The following SCARA5 variants were observed in gnomAD, a reference collection of about 807,000 sequenced individuals.
SCARA5 encodes the protein scavenger receptor class A member 5.
A neutral mutation model predicts 46.3 loss-of-function variants in SCARA5; 45 were observed. The ratio of observed to expected loss-of-function variants is 0.97; its 90% CI spans 0.76 to 1.24. SCARA5 has a LOEUF of 1.24. Among genes scored for constraint, SCARA5 ranks in the 50% most tolerant of loss-of-function variants. The probability of loss-of-function intolerance (pLI) is 0.00; values close to 1 mark genes in which losing one functional copy is unlikely to be tolerated. For synonymous variants in SCARA5, 333 were observed against 306.5 expected (o/e 1.09, Z -0.90); for missense variants, 680 against 689.0 (o/e 0.99, Z 0.15).
chr8:27,911,777 T>A lies in SCARA5; in HGVS notation c.917-2034A>T, dbSNP rs1452855219. On this transcript the variant is annotated intron_variant, in intron 4 of 8. Coordinates refer to ENST00000354914, the MANE Select transcript of SCARA5 (RefSeq NM_173833.6). ...GTCCCTACCCCCTTAAATTCACGTC[T>A]ACCAGGAACCTCAGAATATGACTTT... 2.0e-5 allele frequency among the ~76,000 whole-genome samples: 3 copies of A among 152,226 alleles called. No homozygotes were observed. In the East Asian group the frequency reaches 5.8e-4, roughly 29 times the overall value.
chr8:27,919,773 G>A (rs959251243), intron 4 of SCARA5, among the ~76,000 whole-genome samples: 1 of 151,764 alleles, frequency 6.6e-6, no homozygotes, highest in Middle Eastern at 3.4e-3. Context: ...GCAAGCTATG[G>A]AAGCTTCCCA....
At chr8:27,872,803 A>G (rs1051021590) in intron 8 of SCARA5, among the ~76,000 whole-genome samples, 1 of 152,238 alleles carries the variant, frequency 6.6e-6, no homozygotes, top group Non-Finnish European at 1.5e-5. Flanking sequence ...CAAATAAAGA[A>G]CAGTTCCAAG....
At chr8:27,984,354 A>G (rs1585528596) in intron 2 of SCARA5, among the ~76,000 whole-genome samples, 1 of 152,346 alleles carries the variant, frequency 6.6e-6, no homozygotes, top group East Asian at 1.9e-4. Context: ...GGTTCCCCAT[A>G]TTCCAGCCCC....
intron 3 of SCARA5, among the ~76,000 whole-genome samples, chr8:27,927,708 A>T (rs1013086404): frequency 6.6e-6 from 1 of 152,196 alleles, no homozygotes; most frequent in African/African-American, 2.4e-5. Context: ...TCCTAATAAT[A>T]AATTTCCAGA....
At chr8:27,927,975 C>T (rs1466120519) in intron 3 of SCARA5, among the ~76,000 whole-genome samples, 1 of 152,130 alleles carries the variant, frequency 6.6e-6, no homozygotes, top group East Asian at 1.9e-4. Flanking sequence ...TGCATCAGCT[C>T]ATAGGAATAA....
intron 3 of SCARA5, among the ~76,000 whole-genome samples, chr8:27,937,389 C>T (rs989220558): frequency 3.3e-5 from 5 of 152,180 alleles, no homozygotes; most frequent in African/African-American, 7.2e-5. Context: ...GGCAGGTAAG[C>T]GCTCTCCCCA....
At position 27,990,702 on chromosome 8, in the gene SCARA5, C is replaced by CACCTCAG. The variant is rs1331873102; in HGVS notation, c.-16+1548_-16+1554dup. On this transcript the variant is annotated intron_variant, in intron 1 of 8. Coordinates refer to ENST00000354914, the MANE Select transcript of SCARA5 (RefSeq NM_173833.6). ...CCAGATCAGGCAGAGAAGAGAATCC[C>CACCTCAG]ACCTCAGACTGCCAGCCAGTGTACT... is the stretch of plus-strand genomic sequence containing the variant. Among the ~76,000 whole-genome samples the CACCTCAG allele has an allele frequency of 1.4e-4, 21 of 152,272 alleles. No individual in the cohort carries two copies. The East Asian group carries it at 3.9e-3, about 28-fold the overall frequency.
Position 27,962,155 on chromosome 8 carries a change from G to A in SCARA5, c.241+4259C>T, listed in dbSNP as rs79827215. ...ACTAACACAAAAATGCTTTCCTGAA[G>A]TCTCTATACTTGCTGCAGGTGGACC... On this transcript the variant is annotated intron_variant, in intron 3 of 8. Transcript: ENST00000354914. Among the ~76,000 whole-genome samples the A allele has an allele frequency of 0.021, 3,243 of 152,282 alleles. 288 individuals carry two copies. The East Asian group carries it at 0.28, about 13-fold the overall frequency.
intron 3 of SCARA5, among the ~76,000 whole-genome samples, chr8:27,949,529 A>G (rs948783980): frequency 6.6e-6 from 1 of 152,126 alleles, no homozygotes; most frequent in African/African-American, 2.4e-5. Context: ...ACCATGTGGG[A>G]GCATGGGGGT....
At chr8:27,929,361 C>G (rs910324830) in intron 3 of SCARA5, among the ~76,000 whole-genome samples, 1 of 152,114 alleles carries the variant, frequency 6.6e-6, no homozygotes, top group Non-Finnish European at 1.5e-5. Flanking sequence ...GCTGCCTTCC[C>G]CCAATACATC....
chr8:27,983,623 T>C (rs1808656893), intron 2 of SCARA5, among the ~76,000 whole-genome samples: 1 of 152,172 alleles, frequency 6.6e-6, no homozygotes, highest in Admixed American at 6.5e-5. Context: ...CTGGGACATC[T>C]GCCACCTACA....
intron 3 of SCARA5, among the ~76,000 whole-genome samples, chr8:27,955,252 G>A (rs1640018687): frequency 6.6e-6 from 1 of 152,194 alleles, no homozygotes. Context: ...GGGACCCTGG[G>A]AGATGTCCTA....
chr8:27,932,714 C>T (rs771681177), intron 3 of SCARA5, among the ~76,000 whole-genome samples: 16 of 152,208 alleles, frequency 1.1e-4, no homozygotes, highest in African/African-American at 1.4e-4. Context: ...CTGCAACCTC[C>T]GCCTCCTGGG....
intron 2 of SCARA5, among the ~76,000 whole-genome samples, chr8:27,987,236 G>C (rs1431014549): frequency 6.6e-6 from 1 of 152,242 alleles, no homozygotes; most frequent in Non-Finnish European, 1.5e-5. Context: ...GGAGTCAGGA[G>C]GCTCCATGCT....
At chr8:27,937,912 A>C (rs143689962) in intron 3 of SCARA5, among the ~76,000 whole-genome samples, 20 of 152,274 alleles carry the variant, frequency 1.3e-4, no homozygotes, top group Non-Finnish European at 1.3e-4. Context: ...TCACCTCTTT[A>C]AAGTTCCTAT....
chr8:27,951,179 T>G (rs1403686469), intron 3 of SCARA5, among the ~76,000 whole-genome samples: 1 of 152,228 alleles, frequency 6.6e-6, no homozygotes, highest in East Asian at 1.9e-4. Flanking sequence ...TTTAGGCTAG[T>G]GAATGATACA....
intron 3 of SCARA5, among the ~76,000 whole-genome samples, chr8:27,965,591 T>C (rs1244510024): frequency 1.3e-5 from 2 of 152,226 alleles, no homozygotes; most frequent in Non-Finnish European, 1.5e-5. Flanking sequence ...TATTTAGCTG[T>C]GCCCCCAATC....
At chr8:27,876,444 G>C (rs1400589908) in intron 8 of SCARA5, among the ~76,000 whole-genome samples, 1 of 152,136 alleles carries the variant, frequency 6.6e-6, no homozygotes, top group African/African-American at 2.4e-5. Context: ...GCAGGACTCG[G>C]GGACCAACCT....
chr8:27,916,528 C>T (rs144316805), intron 4 of SCARA5, among the ~76,000 whole-genome samples: 70 of 152,162 alleles, frequency 4.6e-4, no homozygotes, highest in African/African-American at 1.6e-3. Flanking sequence ...TGTTTAAAAA[C>T]CTTAATAGAG....
Sources: gnomAD v4.1 joint callset for allele counts (sites outside exome capture counted in the v4.1 genomes callset) on GRCh38, gnomAD v4.1.1 for gene constraint, MANE v1.5 for transcripts, NCBI Gene and HGNC (gene_info 2026-07-23, HGNC 2026-07-21) for gene names.